The following SCD5 variants were observed in gnomAD, a reference collection of about 807,000 sequenced individuals.
The protein encoded by SCD5 is stearoyl-CoA desaturase 5.
Under a neutral mutation model 30.4 loss-of-function variants are expected in SCD5, and 20 were observed. That is an observed-to-expected ratio of 0.66 (90% CI 0.46 to 0.96). The LOEUF (loss-of-function observed/expected upper bound fraction) is 0.96, where lower values mean the gene tolerates loss of function less well. Ranked by LOEUF, SCD5 falls within the 40% of genes least tolerant of loss-of-function variation. The pLI is 0.00. For synonymous variants in SCD5, 173 were observed against 176.4 expected, an observed-to-expected ratio of 0.98 and a Z score of 0.16; for missense variants, 381 against 443.3, an observed-to-expected ratio of 0.86 and a Z score of 1.26.
intron 1 of SCD5, among the ~76,000 whole-genome samples, chr4:82,707,712 C>A (rs1343435918): frequency 6.6e-6 from 1 of 152,170 alleles, no homozygotes; most frequent in African/African-American, 2.4e-5. Flanking sequence ...GGCCCCCAGT[C>A]CAACAGCCCT....
At chr4:82,698,006 T>G (rs748613475) in intron 2 of SCD5, 1 of 456,620 alleles carries the variant, frequency 2.2e-6, no homozygotes, top group African/African-American at 2.0e-5. Context: ...TGAGGCATGA[T>G]GTGCAAATCT....
chr4:82,640,042 T>C (rs1401920160), intron 3 of SCD5, among the ~76,000 whole-genome samples: 2 of 152,046 alleles, frequency 1.3e-5, no homozygotes, highest in African/African-American at 4.8e-5. Context: ...CACAGGGAGG[T>C]GCCGTGGCCT....
chr4:82,769,001 T>A (rs1437723046), intron 1 of SCD5, among the ~76,000 whole-genome samples: 1 of 151,654 alleles, frequency 6.6e-6, no homozygotes, highest in Admixed American at 6.6e-5. Flanking sequence ...ATGTTTAACA[T>A]ATGAAACAGA....
intron 1 of SCD5, among the ~76,000 whole-genome samples, chr4:82,785,864 G>A (rs775046862): frequency 3.4e-4 from 51 of 152,230 alleles, no homozygotes; most frequent in Non-Finnish European, 5.9e-4. Flanking sequence ...TAACAGAGAC[G>A]CCAGGGCAAA....
chr4:82,791,177 G>T (rs566195149), intron 1 of SCD5, among the ~76,000 whole-genome samples: 25 of 152,232 alleles, frequency 1.6e-4, no homozygotes, highest in Non-Finnish European at 3.2e-4. Context: ...GATGGAGGTT[G>T]CAGTGACCCG....
chr4:82,740,211 G>A lies in SCD5; in HGVS notation c.233-34798C>T, dbSNP rs553578185. ...AGCGCCCAAAGTAGAGCGGAGACAT[G>A]GAGGAAATAATCAACTTGATTCCCT... On this transcript the variant is annotated intron_variant, in intron 1 of 4. Transcript: ENST00000319540. Among the ~76,000 whole-genome samples the A allele has an allele frequency of 1.4e-3, 218 of 152,330 alleles. 1 individual carries two copies. The highest frequency in any genetic ancestry group is 0.014 in the Middle Eastern group (4 of 294).
At chr4:82,735,536 C>T (rs1378213704) in intron 1 of SCD5, among the ~76,000 whole-genome samples, 1 of 152,170 alleles carries the variant, frequency 6.6e-6, no homozygotes, top group East Asian at 1.9e-4. Context: ...CAATAAACGA[C>T]GCAGTGCGAA....
chr4:82,709,995 C>T (rs988889787), intron 1 of SCD5, among the ~76,000 whole-genome samples: 1 of 152,180 alleles, frequency 6.6e-6, no homozygotes, highest in African/African-American at 2.4e-5. Flanking sequence ...GACCCAGAGA[C>T]ATTAAATAAA....
intron 1 of SCD5, among the ~76,000 whole-genome samples, chr4:82,721,783 G>A (rs888399961): frequency 6.6e-6 from 1 of 152,188 alleles, no homozygotes; most frequent in South Asian, 2.1e-4. Context: ...TATTGCTTAA[G>A]CCACCCCATC....
At chr4:82,651,421 A>C (rs1462919893) in intron 3 of SCD5, among the ~76,000 whole-genome samples, 1 of 152,126 alleles carries the variant, frequency 6.6e-6, no homozygotes, top group East Asian at 1.9e-4. Flanking sequence ...CTATGAGGAC[A>C]CAAAGGCATA....
intron 1 of SCD5, among the ~76,000 whole-genome samples, chr4:82,744,969 C>T (rs939445991): frequency 6.6e-6 from 1 of 152,036 alleles, no homozygotes; most frequent in African/African-American, 2.4e-5. Context: ...TAGAAAGATA[C>T]GTGAGTAAAT....
chr4:82,791,614 C>A (rs1722100517), intron 1 of SCD5, among the ~76,000 whole-genome samples: 1 of 152,150 alleles, frequency 6.6e-6, no homozygotes, highest in South Asian at 2.1e-4. Context: ...TCCAGGCAAG[C>A]TCCTTACTGC....
chr4:82,660,751 T>G, intron 3 of SCD5: 2 of 1,522,428 alleles, frequency 1.3e-6, no homozygotes, highest in Middle Eastern at 2.4e-4. Context: ...AATAACCTAA[T>G]GTTAGCACAG....
intron 2 of SCD5, among the ~76,000 whole-genome samples, chr4:82,684,050 A>C (rs1221356432): frequency 7.2e-5 from 11 of 152,244 alleles, no homozygotes; most frequent in Admixed American, 6.5e-4. Context: ...AATAGCTAGA[A>C]ACATTATTCT....
intron 1 of SCD5, among the ~76,000 whole-genome samples, chr4:82,722,562 G>A (rs573401902): frequency 3.3e-4 from 50 of 150,550 alleles, no homozygotes; most frequent in African/African-American, 1.1e-3. Flanking sequence ...TCAGGGGTTC[G>A]AGACCAGCCT....
intron 1 of SCD5, among the ~76,000 whole-genome samples, chr4:82,766,921 G>T (rs1451997496): frequency 6.6e-6 from 1 of 151,844 alleles, no homozygotes; most frequent in Non-Finnish European, 1.5e-5. Context: ...CAGGTGATCC[G>T]CCCACCTCGA....
rs553372261 is a variant in SCD5, at chr4:82,695,628, A to G, written c.363+9655T>C. ...CTGAGTTTGCGAAGCCTAAGTTAGG[A>G]CATCCAATAAGAGATGTCACATGGG... On this transcript the variant is annotated intron_variant, in intron 2 of 4. Transcript: ENST00000319540. 1.5e-3 allele frequency among the ~76,000 whole-genome samples: 228 copies of G among 152,330 alleles called. 2 individuals are homozygous for G. Among genetic ancestry groups the G allele is most frequent in the Non-Finnish European group, 3.8e-4 (26 of 68,032 alleles).
intron 2 of SCD5, among the ~76,000 whole-genome samples, chr4:82,698,608 T>C (rs1719748383): frequency 6.6e-6 from 1 of 152,208 alleles, no homozygotes; most frequent in South Asian, 2.1e-4. Context: ...TGCACTGATG[T>C]GGCCCCCATC....
At chr4:82,663,758 T>C (rs1728086519) in intron 3 of SCD5, among the ~76,000 whole-genome samples, 1 of 152,074 alleles carries the variant, frequency 6.6e-6, no homozygotes, top group South Asian at 2.1e-4. Context: ...GAAGCAAAAT[T>C]GTTTGTCTCT....
Sources: gnomAD v4.1 joint callset for allele counts (sites outside exome capture counted in the v4.1 genomes callset) on GRCh38, gnomAD v4.1.1 for gene constraint, MANE v1.5 for transcripts, NCBI Gene and HGNC (gene_info 2026-07-23, HGNC 2026-07-21) for gene names.